EYA1: variants seen among roughly 807,000 people sequenced by gnomAD.
The protein encoded by EYA1 is EYA transcriptional coactivator and phosphatase 1.
EYA1 carries 16 observed loss-of-function variants against 82.0 expected under a neutral mutation model. The observed-to-expected ratio is 0.20, with a 90% CI of 0.13 to 0.30. EYA1 has a LOEUF of 0.30. Ranked by LOEUF, EYA1 falls within the 10% of genes least tolerant of loss-of-function variation. EYA1 has a pLI of 1.00. For synonymous variants in EYA1, 261 were observed against 264.4 expected (o/e 0.99, Z 0.12); for missense variants, 633 against 730.7 (o/e 0.87, Z 1.54).
chr8:71,461,834 T>A (rs1245882506), intron 2 of EYA1, among the ~76,000 whole-genome samples: 8 of 152,048 alleles, frequency 5.3e-5, no homozygotes, highest in Non-Finnish European at 1.0e-4. Context: ...GGGTGTCCTA[T>A]CAAGTGTTCA....
At chr8:71,282,684 C>T (rs751578180) in intron 9 of EYA1, among the ~76,000 whole-genome samples, 9 of 152,286 alleles carry the variant, frequency 5.9e-5, no homozygotes, top group East Asian at 5.8e-4. Flanking sequence ...AGCTGGCTAA[C>T]GTGGGAAGGC....
chr8:71,442,277 T>C (rs1806486759), intron 2 of EYA1, among the ~76,000 whole-genome samples: 1 of 152,220 alleles, frequency 6.6e-6, no homozygotes, highest in Non-Finnish European at 1.5e-5. Context: ...GACTGAACCA[T>C]TAATCAATGG....
intron 2 of EYA1, among the ~76,000 whole-genome samples, chr8:71,470,358 T>C (rs10089563): frequency 0.23 from 35,086 of 152,018 alleles, 4,395 homozygotes; most frequent in South Asian, 0.39. Context: ...CATTTCTCCA[T>C]TGGTCAGTAG....
At chr8:71,220,276 G>GTGA (rs1809729121) in intron 12 of EYA1, among the ~76,000 whole-genome samples, 1 of 152,310 alleles carries the variant, frequency 6.6e-6, no homozygotes. Flanking sequence ...CCAAAATTAT[G>GTGA]TGATAGACTT....
At chr8:71,308,536 G>GT (rs1301335750) in intron 7 of EYA1, among the ~76,000 whole-genome samples, 2 of 151,668 alleles carry the variant, frequency 1.3e-5, no homozygotes, top group Admixed American at 6.6e-5. Context: ...AGCAATTTTA[G>GT]TTTTAAAACA....
intron 4 of EYA1, among the ~76,000 whole-genome samples, chr8:71,328,737 C>T (rs770283805): frequency 5.3e-5 from 8 of 152,158 alleles, no homozygotes; most frequent in Non-Finnish European, 1.2e-4. Flanking sequence ...ACACTGCCTA[C>T]ATTTATCAAA....
intron 2 of EYA1, among the ~76,000 whole-genome samples, chr8:71,426,096 A>C (rs1805210636): frequency 6.6e-6 from 1 of 152,250 alleles, no homozygotes; most frequent in Non-Finnish European, 1.5e-5. Flanking sequence ...TTGACTAATA[A>C]GAATATGCAT....
At chr8:71,394,593 G>A (rs1417150940) in intron 2 of EYA1, among the ~76,000 whole-genome samples, 2 of 152,166 alleles carry the variant, frequency 1.3e-5, no homozygotes, top group Non-Finnish European at 2.9e-5. Context: ...TGAAAGATAA[G>A]ATGGTTGTAG....
chr8:71,372,466 G>A (rs891217492), intron 2 of EYA1, among the ~76,000 whole-genome samples: 2 of 152,100 alleles, frequency 1.3e-5, no homozygotes, highest in African/African-American at 4.8e-5. Context: ...AGCTAACAGA[G>A]GGTGTGTTCC....
upstream of EYA1, among the ~76,000 whole-genome samples, chr8:71,364,390 C>G (rs1827620413): frequency 6.6e-6 from 1 of 151,864 alleles, no homozygotes; most frequent in Non-Finnish European, 1.5e-5. Flanking sequence ...GTAAGTTACC[C>G]TATGATAAAG....
chr8:71,361,196 T>C (rs1356136328), intron 1 of EYA1, among the ~76,000 whole-genome samples: 54 of 152,240 alleles, frequency 3.5e-4, no homozygotes, highest in Non-Finnish European at 1.6e-4. Flanking sequence ...AAATGTTAAA[T>C]GCTTCATTTT....
At chr8:71,427,151 T>A (rs1805292560) in intron 2 of EYA1, among the ~76,000 whole-genome samples, 1 of 152,246 alleles carries the variant, frequency 6.6e-6, no homozygotes, top group Non-Finnish European at 1.5e-5. Context: ...ACAATTTTTG[T>A]TCTCTTGAAA....
intron 3 of EYA1, among the ~76,000 whole-genome samples, chr8:71,348,698 C>T (rs1239854834): frequency 6.6e-6 from 1 of 152,170 alleles, no homozygotes; most frequent in African/African-American, 2.4e-5. Context: ...ATTCCTCTAA[C>T]TTTACCTCTT....
At chr8:71,354,266 T>C (rs143918570) in intron 3 of EYA1, among the ~76,000 whole-genome samples, 3 of 152,286 alleles carry the variant, frequency 2.0e-5, no homozygotes, top group African/African-American at 7.2e-5. Flanking sequence ...AACAATACTT[T>C]TTAAAAATTA....
chr8:71,295,487 A>G (rs1357410734), intron 9 of EYA1, among the ~76,000 whole-genome samples: 1 of 152,230 alleles, frequency 6.6e-6, no homozygotes, highest in African/African-American at 2.4e-5. Context: ...GCTTCACATC[A>G]TATGTCATTA....
At chr8:71,471,513 C>T (rs1324675442) in intron 2 of EYA1, among the ~76,000 whole-genome samples, 1 of 152,036 alleles carries the variant, frequency 6.6e-6, no homozygotes, top group East Asian at 1.9e-4. Flanking sequence ...TGTAGATGAT[C>T]AGCTAAATTA....
At chr8:71,455,554 T>A (rs1807819358) in intron 2 of EYA1, among the ~76,000 whole-genome samples, 1 of 152,190 alleles carries the variant, frequency 6.6e-6, no homozygotes, top group African/African-American at 2.4e-5. Flanking sequence ...AAAAGGCTTA[T>A]CCACGATGAT....
intron 3 of EYA1, among the ~76,000 whole-genome samples, chr8:71,354,273 ATTAT>A (rs920788806): frequency 8.5e-5 from 13 of 152,176 alleles, no homozygotes; most frequent in African/African-American, 2.9e-4. Flanking sequence ...CTTTTTAAAA[ATTAT>A]TTATATTTTC....
chr8:71,431,018 TAA>T (rs1805582422), intron 2 of EYA1, among the ~76,000 whole-genome samples: 2 of 152,190 alleles, frequency 1.3e-5, no homozygotes, highest in South Asian at 4.1e-4. Context: ...TTCTAGGATA[TAA>T]GAGGGATTTT....
Sources: gnomAD v4.1 joint callset for allele counts (sites outside exome capture counted in the v4.1 genomes callset) on GRCh38, gnomAD v4.1.1 for gene constraint, MANE v1.5 for transcripts, NCBI Gene and HGNC (gene_info 2026-07-23, HGNC 2026-07-21) for gene names.